Variants in GRIN3A observed in about 807,000 individuals in gnomAD.
The protein encoded by GRIN3A is glutamate ionotropic receptor NMDA type subunit 3A, also known as glutamate receptor ionotropic, NMDA 3A.
Under a neutral mutation model 92.4 loss-of-function variants are expected in GRIN3A, and 47 were observed. The observed-to-expected ratio is 0.51, with a 90% CI of 0.40 to 0.65. The LOEUF (loss-of-function observed/expected upper bound fraction) is 0.65. Ranked by LOEUF, GRIN3A falls within the 30% of genes least tolerant of loss-of-function variation. The probability of loss-of-function intolerance (pLI) is 0.00; values close to 1 mark genes in which losing one functional copy is unlikely to be tolerated. For missense variants in GRIN3A, 1,324 were observed against 1,393.1 expected (o/e 0.95, Z 0.79); for synonymous variants, 527 against 540.6 (o/e 0.97, Z 0.35).
intron 1 of GRIN3A, among the ~76,000 whole-genome samples, chr9:101,736,950 T>A (rs999926518): frequency 3.3e-5 from 5 of 152,178 alleles, no homozygotes; most frequent in Non-Finnish European, 5.9e-5. Flanking sequence ...TCCACGGTCC[T>A]GAACCTCGAC....
intron 5 of GRIN3A, 86 bp from the exon 6 acceptor site, chr9:101,613,613 T>A (rs755252559): frequency 2.3e-6 from 3 of 1,312,636 alleles, no homozygotes; most frequent in Non-Finnish European, 2.2e-6. Context: ...GATACTGCCA[T>A]CAGACCAAAA....
At chr9:101,728,182 C>T (rs1265013418) in intron 1 of GRIN3A, among the ~76,000 whole-genome samples, 1 of 152,108 alleles carries the variant, frequency 6.6e-6, no homozygotes, top group Non-Finnish European at 1.5e-5. Flanking sequence ...TTGAACTTTA[C>T]GAAAACAAAA....
chr9:101,590,342 C>T (rs1194349213), intron 6 of GRIN3A, among the ~76,000 whole-genome samples: 1 of 147,890 alleles, frequency 6.8e-6, no homozygotes, highest in African/African-American at 2.5e-5. Flanking sequence ...ACCATAATGA[C>T]ACTCTATTTA....
rs564571367 is a variant in GRIN3A at position 101,657,891 on chromosome 9, T to C, written c.2352+12169A>G. ...TTATTCCTGCCTGCATCTGTGTCTC[T>C]TTCGCTTCTTCATCCCAGACTGAAT... On this transcript the variant is annotated intron_variant, in intron 3 of 8. Transcript: ENST00000361820. 3.3e-5 allele frequency among the ~76,000 whole-genome samples: 5 copies of C among 152,108 alleles called. No individual in the cohort carries two copies. The East Asian group carries it at 9.7e-4, about 30-fold the overall frequency.
Position 101,579,161 on chromosome 9 carries a change from T to G in GRIN3A, c.2931+35A>C, listed in dbSNP as rs372144925. On this transcript the variant is annotated intron_variant, in intron 7 of 8. Transcript: ENST00000361820. ...TCCCATCCCTAGGAATTGTACAGTT[T>G]AAGAATATTGGAGCAAGACACCTGT... 9.6e-5 allele frequency: 154 copies of G among 1,608,076 alleles called. No individual in the cohort carries two copies. The African/African-American group carries it at 1.8e-3, about 19-fold the overall frequency.
intron 7 of GRIN3A, 80 bp downstream of exon 7, chr9:101,579,116 T>C: frequency 6.9e-7 from 1 of 1,443,456 alleles, no homozygotes; most frequent in Admixed American, 1.7e-5. Flanking sequence ...CTTAGTAGTC[T>C]GACATAGGGC....
Position 101,623,021 on chromosome 9 carries a change from C to CACACACACACAA in GRIN3A, c.2614+296_2614+297insTTGTGTGTGTGT, listed in dbSNP as rs1250793431. Among the ~76,000 whole-genome samples the CACACACACACAA allele has an allele frequency of 5.3e-5, 8 of 151,696 alleles. No homozygotes were observed. In the South Asian group the frequency reaches 6.3e-4, roughly 12 times the overall value. ...ACACACACACACACACACACACACA[C>CACACACACACAA]AATACAGATTAAATTAAAATTTATT... On this transcript the variant is annotated intron_variant, in intron 5 of 8. Coordinates refer to ENST00000361820, the MANE Select transcript of GRIN3A (RefSeq NM_133445.3).
intron 6 of GRIN3A, chr9:101,591,559 G>T (rs1828026712): frequency 6.6e-6 from 1 of 152,136 alleles, no homozygotes; most frequent in South Asian, 2.1e-4. Context: ...TCACAGTGTT[G>T]TTATGATGAT....
intron 6 of GRIN3A, among the ~76,000 whole-genome samples, chr9:101,600,399 T>G (rs2118826838): frequency 6.6e-6 from 1 of 152,326 alleles, no homozygotes; most frequent in East Asian, 1.9e-4. Context: ...ACTTTTCTTG[T>G]TGTCCCTGTT....
At chr9:101,613,645 T>C in intron 5 of GRIN3A, 118 bp from the exon 6 acceptor site, 1 of 925,790 alleles carries the variant, frequency 1.1e-6, no homozygotes, top group East Asian at 2.6e-5. Flanking sequence ...TGAGTTTTCA[T>C]CAACTTTCTT....
chr9:101,594,317 A>G (rs1445302293), intron 6 of GRIN3A: 12 of 1,454,858 alleles, frequency 8.2e-6, no homozygotes, highest in Non-Finnish European at 1.0e-5. Flanking sequence ...ACTTCCAGAT[A>G]AGTCAGAGAG....
chr9:101,727,192 C>A (rs1322142786), intron 1 of GRIN3A, among the ~76,000 whole-genome samples: 1 of 152,044 alleles, frequency 6.6e-6, no homozygotes, highest in African/African-American at 2.4e-5. Flanking sequence ...CAAGAAATAA[C>A]CCATTCAAAG....
At chr9:101,724,304 G>T (rs557339162) in intron 1 of GRIN3A, among the ~76,000 whole-genome samples, 1 of 152,144 alleles carries the variant, frequency 6.6e-6, no homozygotes, top group Admixed American at 6.5e-5. Context: ...GCGCAGCGCC[G>T]GTGGGCTGGC....
chr9:101,725,814 A>G (rs924218768), intron 1 of GRIN3A, among the ~76,000 whole-genome samples: 5 of 152,146 alleles, frequency 3.3e-5, no homozygotes, highest in African/African-American at 1.2e-4. Flanking sequence ...CTGGCTTGCA[A>G]TGCTCCTTCC....
chr9:101,642,003 G>A (rs940557309), intron 3 of GRIN3A, among the ~76,000 whole-genome samples: 1 of 152,026 alleles, frequency 6.6e-6, no homozygotes, highest in African/African-American at 2.4e-5. Context: ...AATTGCAACA[G>A]AACCCAAATA....
At position 101,570,892 on chromosome 9, in the gene GRIN3A, G is replaced by A. The variant is rs1827750035; in HGVS notation, c.*2282C>T. The A allele has an allele frequency of 6.6e-6, 1 of 152,630 alleles. No individual in the cohort carries two copies. The highest frequency in any genetic ancestry group is 1.5e-5 in the Non-Finnish European group (1 of 68,036). The allele number at this position is 152,630 out of a possible 1,614,324, so 9.5% of individuals were successfully genotyped here. A position where few individuals can be genotyped will look rare whatever the true frequency, so the allele number is the denominator to read the frequency against. On this transcript the variant is annotated 3_prime_UTR_variant, in exon 9 of 9. Coordinates refer to ENST00000361820, the MANE Select transcript of GRIN3A (RefSeq NM_133445.3). Reference sequence around the variant, plus strand: ...TTAAACAGCCAGCTTCTCAAATACAGTCAGAATATGAGCTGAGTTACAAAA... The same window carrying A: ...TTAAACAGCCAGCTTCTCAAATACAATCAGAATATGAGCTGAGTTACAAAA...
chr9:101,711,358 G>A (rs1213155225), intron 1 of GRIN3A, among the ~76,000 whole-genome samples: 9 of 152,214 alleles, frequency 5.9e-5, no homozygotes, highest in African/African-American at 1.9e-4. Flanking sequence ...GTCAGGGTGG[G>A]ACGGTGGGAG....
At chr9:101,718,348 G>A (rs1230529791) in intron 1 of GRIN3A, among the ~76,000 whole-genome samples, 3 of 152,126 alleles carry the variant, frequency 2.0e-5, no homozygotes, top group African/African-American at 7.2e-5. Context: ...ATGCACAGAA[G>A]AGCAAAGGAT....
intron 1 of GRIN3A, among the ~76,000 whole-genome samples, chr9:101,709,994 T>C (rs938643252): frequency 1.3e-5 from 2 of 152,186 alleles, no homozygotes; most frequent in African/African-American, 2.4e-5. Flanking sequence ...TACATAAAAT[T>C]GGTCTCTTTT....
Sources: allele counts gnomAD v4.1 joint callset (sites outside exome capture counted in the v4.1 genomes callset), GRCh38; gene constraint gnomAD v4.1.1; transcripts MANE v1.5; gene names NCBI Gene and HGNC (gene_info 2026-07-23, HGNC 2026-07-21).